The following ANKFN1 variants were observed in gnomAD, a reference collection of about 807,000 sequenced individuals.
ANKFN1 encodes ankyrin repeat and fibronectin type-III domain-containing protein 1.
ANKFN1 carries 74 observed loss-of-function variants against 108.7 expected under a neutral mutation model. The ratio of observed to expected loss-of-function variants is 0.68; its 90% confidence interval spans 0.56 to 0.83. The LOEUF is 0.83. Ranked by LOEUF, ANKFN1 falls within the 40% of genes least tolerant of loss-of-function variation. The probability of loss-of-function intolerance (pLI) is 0.00; values close to 1 mark genes in which losing one functional copy is unlikely to be tolerated. For synonymous variants in ANKFN1, 547 were observed against 516.2 expected (o/e 1.06, Z -0.81); for missense variants, 1,505 against 1,382.3 (o/e 1.09, Z -1.41).
intron 8 of ANKFN1, among the ~76,000 whole-genome samples, chr17:56,388,615 A>G (rs944510663): frequency 1.3e-5 from 2 of 152,186 alleles, no homozygotes; most frequent in African/African-American, 4.8e-5. Flanking sequence ...AAAATAGTGT[A>G]CTATGATTAT....
chr17:56,336,007 T>C (rs1003855462), intron 4 of ANKFN1, among the ~76,000 whole-genome samples: 2 of 152,252 alleles, frequency 1.3e-5, no homozygotes, highest in Non-Finnish European at 2.9e-5. Context: ...GTTTATGTAA[T>C]GGATTACGTT....
chr17:56,326,280 A>G lies in ANKFN1; in HGVS notation c.113A>G (p.Gln38Arg). The change falls in exon 4 of 21, where the codon CAA becomes CGA. Residue 38 changes from glutamine to arginine, a missense_variant. Gln to Arg is a conservative substitution (Grantham distance 43). Transcript: ENST00000682825. The stretch of plus-strand genomic sequence containing the variant: ...CTGAGCCACAGGAGAAAGCAAAGCC[A>G]ATGTGATTTATTGAATGAAAGCACT... ...QRLSHRRKQSQCDLLNESTGQ... is the reference protein window; with the variant it reads ...QRLSHRRKQSRCDLLNESTGQ... The G allele has an allele frequency of 1.2e-6, 2 of 1,614,024 alleles. No individual in the cohort carries two copies. The highest frequency in any genetic ancestry group is 8.5e-7 in the Non-Finnish European group (1 of 1,179,894).
At chr17:56,158,007 C>A (rs1200315310) in intron 1 of ANKFN1, among the ~76,000 whole-genome samples, 1 of 152,204 alleles carries the variant, frequency 6.6e-6, no homozygotes, top group Non-Finnish European at 1.5e-5. Flanking sequence ...ATGGAGAACA[C>A]CCCAGCTTTC....
intron 4 of ANKFN1, among the ~76,000 whole-genome samples, chr17:56,123,754 C>G (rs897231014): frequency 6.7e-6 from 1 of 150,166 alleles, no homozygotes; most frequent in African/African-American, 2.5e-5. Context: ...TTTCTAAAGG[C>G]CTTGTGTACA....
chr17:56,291,172 C>T (rs1201463547), intron 3 of ANKFN1, among the ~76,000 whole-genome samples: 1 of 152,190 alleles, frequency 6.6e-6, no homozygotes, highest in Non-Finnish European at 1.5e-5. Context: ...AAAACATCTA[C>T]AGGAGAATGT....
rs1327217382 is a variant in ANKFN1, at chr17:56,492,332, GC to G, written c.2407del (p.Gln803LysfsTer3). ...EVAAAKQRHQ[Q>X]VLDFIQQIDE... ...TTGCAGCTGCCAAACAAAGACACCA[GC>G]AAGTTTTAGATTTCATTCAGGTAAT... On this transcript the variant is annotated frameshift_variant, in exon 19 of 21. Coordinates refer to ENST00000682825, the MANE Select transcript of ANKFN1 (RefSeq NM_001370326.1). LOFTEE classifies it high-confidence loss of function. 1.4e-6 allele frequency: 1 copy of G among 702,220 alleles called. No homozygotes were observed. The highest frequency in any genetic ancestry group is 1.7e-5 in the African/African-American group (1 of 57,208). The allele number at this position is 702,220 out of a possible 1,614,324, so 43.5% of individuals were successfully genotyped here.
At chr17:56,489,182 T>C (rs920307019) in intron 18 of ANKFN1, among the ~76,000 whole-genome samples, 3 of 152,206 alleles carry the variant, frequency 2.0e-5, no homozygotes, top group African/African-American at 7.2e-5. Flanking sequence ...TCTGCCACTA[T>C]CTTATGTAGA....
intron 8 of ANKFN1, among the ~76,000 whole-genome samples, chr17:56,416,033 C>A (rs193291894): frequency 1.7e-3 from 265 of 152,240 alleles, no homozygotes; most frequent in African/African-American, 5.7e-3. Context: ...AAAACTAGAC[C>A]TCTATCTCTC....
chr17:56,502,266 G>A (rs527262827), intron 20 of ANKFN1, among the ~76,000 whole-genome samples: 2 of 152,266 alleles, frequency 1.3e-5, no homozygotes, highest in Admixed American at 6.5e-5. Context: ...CTCCCTGGCT[G>A]TATGAGGGTG....
chr17:56,059,454 T>G (rs1187833300), intron 4 of ANKFN1, among the ~76,000 whole-genome samples: 1 of 152,216 alleles, frequency 6.6e-6, no homozygotes, highest in Non-Finnish European at 1.5e-5. Context: ...CATTTGTCAA[T>G]TTTGGCTTTT....
chr17:56,110,641 G>A (rs1043864407), intron 4 of ANKFN1, among the ~76,000 whole-genome samples: 2 of 152,180 alleles, frequency 1.3e-5, no homozygotes, highest in South Asian at 4.1e-4. Flanking sequence ...ATGAATGAAG[G>A]CAAAGTGAAT....
At chr17:56,498,338 G>C (rs2051266918) in intron 19 of ANKFN1, among the ~76,000 whole-genome samples, 1 of 151,978 alleles carries the variant, frequency 6.6e-6, no homozygotes, top group South Asian at 2.1e-4. Flanking sequence ...TAAGAACTAG[G>C]ACTACATTTC....
At chr17:56,480,534 A>G in intron 16 of ANKFN1, 134 bp from the exon 17 acceptor site, 4 of 970,340 alleles carry the variant, frequency 4.1e-6, no homozygotes, top group Non-Finnish European at 6.0e-6. Flanking sequence ...AAAATGTTCA[A>G]ATTTCATGAA....
chr17:56,395,205 G>A (rs2047545180), intron 8 of ANKFN1, among the ~76,000 whole-genome samples: 1 of 152,160 alleles, frequency 6.6e-6, no homozygotes, highest in Admixed American at 6.6e-5. Context: ...TTTACAGAGA[G>A]GTGACGAGGG....
In ANKFN1 at chr17:56,510,469, G is replaced by A. The variant is rs769742979; in HGVS notation, c.2645-4G>A. ...TTTCCTAACCTCAGTTTCTGGCTTC[G>A]CAGATTCACAGCCCTGCTCTGATGA... On this transcript the variant is annotated splice_region_variant and splice_polypyrimidine_tract_variant and intron_variant, in intron 20 of 20. Transcript: ENST00000682825. 5 of 1,533,180 alleles carry A rather than the reference G, an allele frequency of 3.3e-6. No individual in the cohort carries two copies. Among genetic ancestry groups the A allele is most frequent in the East Asian group, 2.4e-5 (1 of 40,894 alleles). The allele number at this position is 1,533,180 out of a possible 1,614,324, so 95.0% of individuals were successfully genotyped here. A position where few individuals can be genotyped will look rare whatever the true frequency, so the allele number is the denominator to read the frequency against.
chr17:56,287,143 G>A (rs1239498761), intron 3 of ANKFN1, among the ~76,000 whole-genome samples: 1 of 152,170 alleles, frequency 6.6e-6, no homozygotes, highest in Non-Finnish European at 1.5e-5. Context: ...TTTTACAGGT[G>A]AGAAAGGACA....
At chr17:56,370,097 T>G (rs922843027) in intron 6 of ANKFN1, among the ~76,000 whole-genome samples, 4 of 152,102 alleles carry the variant, frequency 2.6e-5, no homozygotes, top group Non-Finnish European at 5.9e-5. Context: ...ACCCCCTACT[T>G]CACCCACCGT....
chr17:56,175,697 C>G (rs1911080711), intron 1 of ANKFN1, among the ~76,000 whole-genome samples: 1 of 152,230 alleles, frequency 6.6e-6, no homozygotes, highest in South Asian at 2.1e-4. Flanking sequence ...GATATGCTTA[C>G]TCCTGCAGTC....
At chr17:56,348,715 C>A (rs1598438899) in intron 4 of ANKFN1, among the ~76,000 whole-genome samples, 2 of 152,062 alleles carry the variant, frequency 1.3e-5, no homozygotes, top group East Asian at 3.9e-4. Flanking sequence ...AGTCAGAATG[C>A]CTATTACTAA....
Sources: gnomAD v4.1 joint callset for allele counts (sites outside exome capture counted in the v4.1 genomes callset) on GRCh38, gnomAD v4.1.1 for gene constraint, MANE v1.5 for transcripts, NCBI Gene and HGNC (gene_info 2026-07-23, HGNC 2026-07-21) for gene names.